Variants in SLC4A10 observed in about 807,000 individuals in gnomAD.
The protein encoded by SLC4A10 is sodium-driven chloride bicarbonate exchanger.
SLC4A10 carries 42 observed loss-of-function variants against 137.7 expected under a neutral mutation model. The observed-to-expected ratio is 0.30, with a 90% confidence interval of 0.24 to 0.39. The LOEUF (loss-of-function observed/expected upper bound fraction) is 0.39, where lower values mean the gene tolerates loss of function less well. SLC4A10 is among the 10% of genes least tolerant of loss of function. SLC4A10 has a pLI of 1.00. For missense variants in SLC4A10, 925 were observed against 1,355.0 expected (o/e 0.68, Z 4.98); for synonymous variants, 474 against 464.1 (o/e 1.02, Z -0.27).
At chr2:161,844,201 T>C (rs56142719) in intron 4 of SLC4A10, among the ~76,000 whole-genome samples, 8,038 of 152,168 alleles carry the variant, frequency 0.053, 302 homozygotes, top group Non-Finnish European at 0.073. Context: ...AGGCTTCTGA[T>C]ACATACATAC....
At chr2:161,786,106 T>C (rs144090488) in intron 2 of SLC4A10, among the ~76,000 whole-genome samples, 10 of 152,044 alleles carry the variant, frequency 6.6e-5, no homozygotes, top group African/African-American at 2.4e-4. Flanking sequence ...TGGTCAGGTA[T>C]TGGGTATAAA....
intron 3 of SLC4A10, among the ~76,000 whole-genome samples, chr2:161,837,338 A>G (rs1252822202): frequency 2.6e-5 from 4 of 152,218 alleles, no homozygotes; most frequent in Non-Finnish European, 5.9e-5. Context: ...AAAATATAAT[A>G]GCCTCAAGAA....
chr2:161,965,053 G>A lies in SLC4A10; in HGVS notation c.3039G>A (p.Val1013=), dbSNP rs1397113954. The A allele has an allele frequency of 7.5e-6, 12 of 1,610,684 alleles. No homozygotes were observed. The highest frequency in any genetic ancestry group is 1.0e-5 in the Non-Finnish European group (12 of 1,178,094). ...SRAAIVFPMM[V]LALVFVRKLM... ...AACTAGTTTATTATTTACTTCAGGTGTTAGCCCTGGTATTTGTAAGAAAGT... is the reference window on the plus strand; with the variant it reads ...AACTAGTTTATTATTTACTTCAGGTATTAGCCCTGGTATTTGTAAGAAAGT... Residue 1013 remains valine (V), a splice_region_variant and synonymous_variant, in exon 23 of 27, where the codon GTG becomes GTA. Transcript: ENST00000446997.
At chr2:161,969,731 G>A (rs1698186325) in intron 23 of SLC4A10, among the ~76,000 whole-genome samples, 1 of 152,038 alleles carries the variant, frequency 6.6e-6, no homozygotes, top group South Asian at 2.1e-4. Flanking sequence ...GGGCAAATGG[G>A]ACCCTGTGAT....
At chr2:161,967,417 G>T (rs143948545) in intron 23 of SLC4A10, among the ~76,000 whole-genome samples, 2 of 152,290 alleles carry the variant, frequency 1.3e-5, no homozygotes, top group Non-Finnish European at 2.9e-5. Flanking sequence ...ACAAATGACT[G>T]TAAAATAAAA....
chr2:161,861,868 A>G (rs536030640), intron 5 of SLC4A10, among the ~76,000 whole-genome samples: 1 of 152,262 alleles, frequency 6.6e-6, no homozygotes, highest in African/African-American at 2.4e-5. Flanking sequence ...CTCCTAGTTC[A>G]TTTCCATTTC....
chr2:161,831,187 AT>A (rs2058413063), intron 3 of SLC4A10, among the ~76,000 whole-genome samples: 1 of 152,200 alleles, frequency 6.6e-6, no homozygotes, highest in Non-Finnish European at 1.5e-5. Flanking sequence ...TTACACAGAA[AT>A]ATGACACTAT....
At chr2:161,944,863 T>C (rs1224779254) in intron 16 of SLC4A10, among the ~76,000 whole-genome samples, 4 of 151,606 alleles carry the variant, frequency 2.6e-5, no homozygotes, top group Non-Finnish European at 5.9e-5. Flanking sequence ...AAAAATATTT[T>C]ATTAATAAAG....
intron 3 of SLC4A10, among the ~76,000 whole-genome samples, chr2:161,820,792 A>G (rs530593670): frequency 6.6e-6 from 1 of 152,290 alleles, no homozygotes; most frequent in African/African-American, 2.4e-5. Context: ...CATTTCTCAT[A>G]CCGATGAATG....
chr2:161,669,544 T>C (rs1020121901), intron 1 of SLC4A10, among the ~76,000 whole-genome samples: 5 of 152,020 alleles, frequency 3.3e-5, no homozygotes, highest in African/African-American at 9.7e-5. Flanking sequence ...AATACTATTA[T>C]ATAAATTGCT....
intron 3 of SLC4A10, among the ~76,000 whole-genome samples, chr2:161,804,839 A>G (rs2055758561): frequency 6.6e-6 from 1 of 152,164 alleles, no homozygotes; most frequent in Non-Finnish European, 1.5e-5. Flanking sequence ...AGTAAAGCTC[A>G]AAAACTCTTG....
chr2:161,852,287 A>G (rs2059876883), intron 4 of SLC4A10, among the ~76,000 whole-genome samples: 1 of 152,218 alleles, frequency 6.6e-6, no homozygotes, highest in Non-Finnish European at 1.5e-5. Flanking sequence ...TAAATTTCCA[A>G]TTTAACAAAG....
intron 1 of SLC4A10, among the ~76,000 whole-genome samples, chr2:161,630,755 C>T (rs1437323503): frequency 2.0e-5 from 3 of 151,682 alleles, no homozygotes; most frequent in Non-Finnish European, 4.4e-5. Flanking sequence ...ATGATAGGTA[C>T]AAACATCTGT....
rs1392043887 is a variant in SLC4A10, at chr2:161,897,361, C to G, written c.1341+2536C>G. On this transcript the variant is annotated intron_variant, in intron 11 of 26. Coordinates refer to ENST00000446997, the MANE Select transcript of SLC4A10 (RefSeq NM_001178015.2). ...CAAATTGTTGTGTACTTAGTCTTGCCTTTGGCCCTTGCCCTGTGGAGTTCA... is the reference window on the plus strand; with the variant it reads ...CAAATTGTTGTGTACTTAGTCTTGCGTTTGGCCCTTGCCCTGTGGAGTTCA... Among the ~76,000 whole-genome samples, 3 of 152,154 alleles carry G rather than the reference C, an allele frequency of 2.0e-5. No individual in the cohort carries two copies. The East Asian group carries it at 5.8e-4, about 29-fold the overall frequency.
chr2:161,831,709 CT>C (rs1419924977), intron 3 of SLC4A10, among the ~76,000 whole-genome samples: 7 of 152,108 alleles, frequency 4.6e-5, no homozygotes, highest in South Asian at 2.1e-4. Context: ...CCCAAGAATT[CT>C]TTTTTCCCCC....
At chr2:161,912,071 G>C (rs1329086006) in intron 15 of SLC4A10, among the ~76,000 whole-genome samples, 3 of 151,930 alleles carry the variant, frequency 2.0e-5, no homozygotes, top group Non-Finnish European at 4.4e-5. Context: ...CATTCTCACT[G>C]TCCCTAATGA....
At chr2:161,921,955 T>C (rs1688218228) in intron 15 of SLC4A10, among the ~76,000 whole-genome samples, 1 of 152,180 alleles carries the variant, frequency 6.6e-6, no homozygotes, top group Non-Finnish European at 1.5e-5. Flanking sequence ...AATCAGTCAG[T>C]TGTCATAAGG....
intron 1 of SLC4A10, among the ~76,000 whole-genome samples, chr2:161,700,553 A>C (rs929623198): frequency 2.6e-5 from 4 of 152,168 alleles, no homozygotes; most frequent in African/African-American, 9.7e-5. Context: ...CAATAATAAA[A>C]TAATATCATT....
intron 1 of SLC4A10, among the ~76,000 whole-genome samples, chr2:161,671,586 T>C (rs928788846): frequency 1.3e-5 from 2 of 152,152 alleles, no homozygotes; most frequent in African/African-American, 4.8e-5. Flanking sequence ...TTGGGTACTA[T>C]GCTCACCACC....
Sources: allele counts gnomAD v4.1 joint callset (sites outside exome capture counted in the v4.1 genomes callset), GRCh38; gene constraint gnomAD v4.1.1; transcripts MANE v1.5; gene names NCBI Gene and HGNC (gene_info 2026-07-23, HGNC 2026-07-21).